The following R3HDM2 variants were observed in gnomAD, a reference collection of about 807,000 sequenced individuals.
The protein encoded by R3HDM2 is R3H domain-containing protein 2.
A neutral mutation model predicts 124.5 loss-of-function variants in R3HDM2; 38 were observed. That is an observed-to-expected ratio of 0.31 (90% CI 0.24 to 0.40). R3HDM2 has a LOEUF of 0.40. Ranked by LOEUF, R3HDM2 falls within the 10% of genes least tolerant of loss-of-function variation. The pLI is 1.00. For missense variants in R3HDM2, 869 were observed against 1,236.9 expected, an observed-to-expected ratio of 0.70 and a Z score of 4.46; for synonymous variants, 391 against 448.0, an observed-to-expected ratio of 0.87 and a Z score of 1.61.
intron 2 of R3HDM2, among the ~76,000 whole-genome samples, chr12:57,383,044 C>T (rs1176620543): frequency 5.3e-5 from 8 of 151,766 alleles, no homozygotes; most frequent in African/African-American, 1.2e-4. Flanking sequence ...CCACCAGGCC[C>T]GGCTAATTTT....
At chr12:57,367,482 C>G (rs926676503) in intron 2 of R3HDM2, among the ~76,000 whole-genome samples, 40 of 152,172 alleles carry the variant, frequency 2.6e-4, no homozygotes, top group Non-Finnish European at 2.4e-4. Flanking sequence ...GAAGCTCTCT[C>G]CTCTTAAATA....
At position 57,283,890 on chromosome 12, in the gene R3HDM2, T is replaced by C. The variant is rs201843316; in HGVS notation, c.1105A>G (p.Ile369Val). The C allele has an allele frequency of 6.8e-6, 11 of 1,614,112 alleles. No individual in the cohort carries two copies. Among genetic ancestry groups the C allele is most frequent in the East Asian group, 4.5e-5 (2 of 44,872 alleles). ...TKASSFSGIS[I>V]LTRGDSIGSS... ...CCGATGCTGTCACCTCGGGTAAGGATAGAGATTCCACTGAAGCTGCTAGCT... is the reference window on the plus strand; with the variant it reads ...CCGATGCTGTCACCTCGGGTAAGGACAGAGATTCCACTGAAGCTGCTAGCT... The change falls in exon 13 of 24, where the codon ATC becomes GTC. Residue 369 changes from isoleucine (I) to valine (V), a missense_variant. By Grantham distance (29) the Ile-to-Val change is conservative (BLOSUM62 3). Around this residue, in one of 2 missense-constraint regions of R3HDM2, gnomAD observed 602 missense variants for 789.2 expected, o/e 0.76. Transcript: ENST00000402412.
chr12:57,425,272 C>CA (rs372378364), intron 1 of R3HDM2, among the ~76,000 whole-genome samples: 11,103 of 120,700 alleles, frequency 0.092, 557 homozygotes, highest in East Asian at 0.24. Context: ...AACTCCGTCT[C>CA]AAAAAAAAAA....
At chr12:57,328,258 C>T (rs1481640441) in intron 2 of R3HDM2, among the ~76,000 whole-genome samples, 1 of 152,074 alleles carries the variant, frequency 6.6e-6, no homozygotes, top group Non-Finnish European at 1.5e-5. Flanking sequence ...GACAGGGTTT[C>T]GCTGTGTTGC....
Position 57,415,553 on chromosome 12 carries a change from G to C in R3HDM2, c.-106+15167C>G, listed in dbSNP as rs552080511. 2.3e-4 allele frequency: 34 copies of C among 144,810 alleles called. 1 individual carries two copies. The highest frequency in any genetic ancestry group is 6.6e-4 in the Admixed American group (9 of 13,708). 9.0% of individuals were successfully genotyped at this position (144,810 alleles called of 1,614,324 possible). On this transcript the variant is annotated intron_variant, in intron 1 of 23. Coordinates refer to ENST00000402412, the MANE Select transcript of R3HDM2 (RefSeq NM_001394031.1). ...TTTCTTAATTTTTACCAAAGGAAAA[G>C]GATCCAACATCACAAGGCCAGGGGT... is the stretch of plus-strand genomic sequence containing the variant.
intron 19 of R3HDM2, among the ~76,000 whole-genome samples, chr12:57,260,677 G>T (rs934648786): frequency 6.6e-6 from 1 of 152,132 alleles, no homozygotes; most frequent in African/African-American, 2.4e-5. Context: ...TGGTGGTGGA[G>T]AAATGGGAAA....
chr12:57,292,545 C>G (rs1322012391), intron 11 of R3HDM2, 27 bp downstream of exon 11: 2 of 1,454,668 alleles, frequency 1.4e-6, no homozygotes, highest in Non-Finnish European at 9.4e-7. Context: ...AAGCTATGGG[C>G]TGACAACTCT....
At chr12:57,363,140 AC>A (rs2062150954) in intron 2 of R3HDM2, among the ~76,000 whole-genome samples, 1 of 151,984 alleles carries the variant, frequency 6.6e-6, no homozygotes, top group Non-Finnish European at 1.5e-5. Context: ...TTTTATTTCT[AC>A]CTAAATTTTG....
At chr12:57,355,487 A>G (rs926819591) in intron 2 of R3HDM2, among the ~76,000 whole-genome samples, 4 of 151,506 alleles carry the variant, frequency 2.6e-5, no homozygotes, top group African/African-American at 7.3e-5. Context: ...GAAAAAAAAA[A>G]GAAAGAAACA....
chr12:57,295,953 T>G (rs1274081887), intron 9 of R3HDM2, among the ~76,000 whole-genome samples: 1 of 152,184 alleles, frequency 6.6e-6, no homozygotes. Context: ...CACTCCAACC[T>G]CTGCCACTGG....
chr12:57,313,800 G>A (rs2054433193), intron 2 of R3HDM2, among the ~76,000 whole-genome samples: 1 of 145,946 alleles, frequency 6.9e-6, no homozygotes, highest in South Asian at 2.2e-4. Context: ...AGGATCACTT[G>A]AGCCCAGAAG....
At chr12:57,292,239 A>G (rs955966063) in intron 11 of R3HDM2, among the ~76,000 whole-genome samples, 1 of 152,224 alleles carries the variant, frequency 6.6e-6, no homozygotes, top group African/African-American at 2.4e-5. Context: ...AAAGAGGGTA[A>G]GCAGAAGGAG....
chr12:57,367,773 C>T (rs769749719), intron 2 of R3HDM2, among the ~76,000 whole-genome samples: 10 of 152,180 alleles, frequency 6.6e-5, no homozygotes, highest in Non-Finnish European at 1.2e-4. Flanking sequence ...TCCTGTTACG[C>T]AGCTATCACC....
chr12:57,409,052 A>G (rs2139231605), intron 1 of R3HDM2, among the ~76,000 whole-genome samples: 1 of 152,202 alleles, frequency 6.6e-6, no homozygotes. Context: ...AATCCATTAT[A>G]TCCTGCTCAT....
At chr12:57,263,631 G>A (rs1182589228) in intron 19 of R3HDM2, among the ~76,000 whole-genome samples, 1 of 152,150 alleles carries the variant, frequency 6.6e-6, no homozygotes, top group Admixed American at 6.5e-5. Flanking sequence ...CCCATGCCCA[G>A]CTAATTTTTG....
chr12:57,393,577 T>C (rs1310131977), intron 2 of R3HDM2, among the ~76,000 whole-genome samples: 1 of 152,188 alleles, frequency 6.6e-6, no homozygotes, highest in Non-Finnish European at 1.5e-5. Context: ...CTGAGAGACC[T>C]GTGGGACACC....
chr12:57,334,107 T>C (rs1270066193), intron 2 of R3HDM2, among the ~76,000 whole-genome samples: 2 of 151,790 alleles, frequency 1.3e-5, no homozygotes, highest in Non-Finnish European at 2.9e-5. Flanking sequence ...GTCCAGAAGG[T>C]CATAGTTAGA....
chr12:57,336,822 TA>T (rs34945958), intron 2 of R3HDM2, among the ~76,000 whole-genome samples: 61,252 of 141,006 alleles, frequency 0.43, 13,897 homozygotes, highest in South Asian at 0.54. Flanking sequence ...AATAAAAGTT[TA>T]AAAAAAAAAA....
chr12:57,284,276 G>A (rs915339169), intron 12 of R3HDM2, among the ~76,000 whole-genome samples: 1 of 152,208 alleles, frequency 6.6e-6, no homozygotes, highest in African/African-American at 2.4e-5. Flanking sequence ...AAATCTGGAA[G>A]ACAGTGCACT....
Sources: gnomAD v4.1 joint callset for allele counts (sites outside exome capture counted in the v4.1 genomes callset) on GRCh38, gnomAD v4.1.1 for gene constraint, gnomAD v4.1.1 regional missense constraint, MANE v1.5 for transcripts, NCBI Gene and HGNC (gene_info 2026-07-23, HGNC 2026-07-21) for gene names.